Variants in TAF11 observed in about 807,000 individuals in gnomAD.
TAF11 encodes TATA-box binding protein associated factor 11.
A neutral mutation model predicts 23.0 loss-of-function variants in TAF11; 10 were observed. The ratio of observed to expected loss-of-function variants is 0.43; its 90% CI spans 0.27 to 0.74. The LOEUF (loss-of-function observed/expected upper bound fraction) is 0.74. Among genes scored for constraint, TAF11 ranks in the 30% least tolerant of loss-of-function variants. The pLI is 0.19. For missense variants in TAF11, 196 were observed against 261.7 expected (o/e 0.75, Z 1.73); for synonymous variants, 85 against 95.8 (o/e 0.89, Z 0.66).
rs769021125 is a variant in TAF11, at chr6:34,880,052, G to A, written c.420C>T (p.Ser140=). ...PKAAIKRLIQ[S]ITGTSVSQNV... ...TCTGAGACACAGAGGTGCCAGTGAT[G>A]GACTGGATCAGCTTGAAAGAAGCAC... Residue 140 remains serine, a synonymous_variant, in exon 4 of 5, where the codon TCC becomes TCT. Transcript: ENST00000361288. The surrounding 1 kb of genome is among the most constrained non-coding windows in gnomAD (Gnocchi z 4.8). 3 of 1,613,860 alleles carry A rather than the reference G, an allele frequency of 1.9e-6. No homozygotes were observed. In the African/African-American group the frequency reaches 4.0e-5, roughly 22 times the overall value.
rs759662478 is a variant in TAF11 at position 34,878,601 on chromosome 6, T to G, written c.625A>C (p.Ile209Leu). Residue 209 changes from isoleucine to leucine, a missense_variant, in exon 5 of 5, where the codon ATC becomes CTC. Transcript: ENST00000361288. ...QIPNSKHKKI[I>L]FF Reference sequence around the variant, plus strand: ...TTCTAGACTTTGGTCTAGAAGAAGATGATTTTTTTGTGCTTCGAGTTAGGG... The same window carrying G: ...TTCTAGACTTTGGTCTAGAAGAAGAGGATTTTTTTGTGCTTCGAGTTAGGG... 1 of 1,576,406 alleles carries G rather than the reference T, an allele frequency of 6.3e-7. No homozygotes were observed. Among genetic ancestry groups the G allele is most frequent in the South Asian group, 1.1e-5 (1 of 90,328 alleles).
At position 34,878,617 on chromosome 6, in the gene TAF11, C is replaced by T. The variant is rs149942247; in HGVS notation, c.609G>A (p.Ser203=). ...RLKSKGQIPN[S]KHKKIIFF is the part of the protein sequence containing the mutation. ...AGAAGAAGATGATTTTTTTGTGCTT[C>T]GAGTTAGGGATCTGTCCTTTTGACT... The change falls in exon 5 of 5, where the codon TCG becomes TCA. Residue 203 remains serine (S), a synonymous_variant. Transcript: ENST00000361288. 4.4e-6 allele frequency: 7 copies of T among 1,606,204 alleles called. No homozygotes were observed. In the African/African-American group the frequency reaches 5.4e-5, roughly 12 times the overall value.
Position 34,887,979 on chromosome 6 carries a change from G to A in TAF11, c.-22C>T. On this transcript the variant is annotated 5_prime_UTR_variant, in exon 1 of 5. Coordinates refer to ENST00000361288, the MANE Select transcript of TAF11 (RefSeq NM_005643.4). ...CCATCACGGATAGGATTGGAGGGGA[G>A]AGGAGATCGCGGAGATGCCTGAGGC... The A allele has an allele frequency of 2.5e-6, 4 of 1,613,172 alleles. No individual in the cohort carries two copies. Among genetic ancestry groups the A allele is most frequent in the Non-Finnish European group, 3.4e-6 (4 of 1,179,350 alleles).
Position 34,878,200 on chromosome 6 carries a change from C to T in TAF11, c.*390G>A. The T allele has an allele frequency of 5.9e-6, 1 of 168,846 alleles. No individual in the cohort carries two copies. Among genetic ancestry groups the T allele is most frequent in the Non-Finnish European group, 1.3e-5 (1 of 77,906 alleles). The allele number at this position is 168,846 out of a possible 1,614,324, so 10.5% of individuals were successfully genotyped here. On this transcript the variant is annotated 3_prime_UTR_variant, in exon 5 of 5. Transcript: ENST00000361288. ...CCAGGAGTTCAAGGCTGCAGTCATG[C>T]CGCTGCACTCCAGCCTAGGTGATAG... is the stretch of plus-strand genomic sequence containing the variant.
At position 34,878,265 on chromosome 6, in the gene TAF11, A is replaced by G; in HGVS notation, c.*325T>C. On this transcript the variant is annotated 3_prime_UTR_variant, in exon 5 of 5. Transcript: ENST00000361288. ...TCAAACAAAACGAAACCAAAACAAAACAAAACTCTCTTGGAAAGGTTTTCT... is the reference window on the plus strand; with the variant it reads ...TCAAACAAAACGAAACCAAAACAAAGCAAAACTCTCTTGGAAAGGTTTTCT... 4.1e-6 allele frequency: 1 copy of G among 244,692 alleles called. No homozygotes were observed. 15.2% of individuals were successfully genotyped at this position (244,692 alleles called of 1,614,324 possible).
chr6:34,881,620 G>GAT (rs1766425557), intron 2 of TAF11, among the ~76,000 whole-genome samples: 1 of 152,046 alleles, frequency 6.6e-6, no homozygotes, highest in Non-Finnish European at 1.5e-5. Flanking sequence ...AAAATTTATA[G>GAT]ATATATATGT....
intron 1 of TAF11, among the ~76,000 whole-genome samples, chr6:34,885,053 A>G (rs1236899742): frequency 1.3e-5 from 2 of 151,788 alleles, no homozygotes; most frequent in African/African-American, 2.4e-5. Flanking sequence ...GTCTACTTCT[A>G]TCCTTATTAA....
intron 2 of TAF11, among the ~76,000 whole-genome samples, chr6:34,882,709 T>C (rs1766462329): frequency 6.6e-6 from 1 of 152,124 alleles, no homozygotes; most frequent in Non-Finnish European, 1.5e-5. Context: ...TTTCACTATG[T>C]TGCCCAGGCT....
At chr6:34,878,805 A>T in intron 4 of TAF11, 85 bp from the exon 5 acceptor site, 10 of 1,221,042 alleles carry the variant, frequency 8.2e-6, no homozygotes, top group Non-Finnish European at 1.1e-5. Context: ...AATTCTTGTT[A>T]ACTTTTCTTA....
At position 34,887,922 on chromosome 6, in the gene TAF11, A is replaced by C. The variant is rs560282342; in HGVS notation, c.36T>G (p.Gly12=). Residue 12 remains glycine (G), a synonymous_variant, in exon 1 of 5, where the codon GGT becomes GGG. Transcript: ENST00000361288. ...DDAHESPSDK[G]GETGESDETA... is the part of the protein sequence containing the mutation. The stretch of plus-strand genomic sequence containing the variant: ...TCTCATCCGACTCCCCTGTCTCTCC[A>C]CCTTTGTCGGAGGGCGACTCGTGGG... The C allele has an allele frequency of 6.2e-7, 1 of 1,611,872 alleles. No individual in the cohort carries two copies. Among genetic ancestry groups the C allele is most frequent in the African/African-American group, 1.3e-5 (1 of 74,162 alleles).
At position 34,880,428 on chromosome 6, in the gene TAF11, A is replaced by G. The variant is rs1461856192; in HGVS notation, c.321-52T>C. On this transcript the variant is annotated intron_variant, in intron 2 of 4. Transcript: ENST00000361288. This position sits in a 1 kb window ranked among gnomAD's most constrained non-coding sequence, Gnocchi z 4.8. ...TAACTTATAAGAACGAATACTCAAG[A>G]TATTATGAAGTCAATAAAAGTTTCA... 4.5e-6 allele frequency: 7 copies of G among 1,545,448 alleles called. No individual in the cohort carries two copies. The highest frequency in any genetic ancestry group is 2.3e-5 in the South Asian group (2 of 88,586).
At position 34,887,924 on chromosome 6, in the gene TAF11, C is replaced by T. The variant is rs1301845165; in HGVS notation, c.34G>A (p.Gly12Ser). ...DDAHESPSDK[G>S]GETGESDETA... ...TCATCCGACTCCCCTGTCTCTCCAC[C>T]TTTGTCGGAGGGCGACTCGTGGGCA... is the stretch of plus-strand genomic sequence containing the variant. The change falls in exon 1 of 5, where the codon GGT becomes AGT. Residue 12 changes from glycine (G) to serine (S), a missense_variant. Coordinates refer to ENST00000361288, the MANE Select transcript of TAF11 (RefSeq NM_005643.4). 1.2e-6 allele frequency: 2 copies of T among 1,614,088 alleles called. No individual in the cohort carries two copies. Among genetic ancestry groups the T allele is most frequent in the African/African-American group, 1.3e-5 (1 of 74,934 alleles).
At position 34,878,469 on chromosome 6, in the gene TAF11, T is replaced by A. The variant is rs1315334689; in HGVS notation, c.*121A>T. 1 of 692,258 alleles carries A rather than the reference T, an allele frequency of 1.4e-6. No individual in the cohort carries two copies. The highest frequency in any genetic ancestry group is 1.8e-5 in the African/African-American group (1 of 56,304). The allele number at this position is 692,258 out of a possible 1,614,324, so 42.9% of individuals were successfully genotyped here. On this transcript the variant is annotated 3_prime_UTR_variant, in exon 5 of 5. Transcript: ENST00000361288. ...AAATATCAGAGTTTTGAGAAAGACATTAAAATCATCATGGAATCCTTGGAG... is the reference window on the plus strand; with the variant it reads ...AAATATCAGAGTTTTGAGAAAGACAATAAAATCATCATGGAATCCTTGGAG...
At chr6:34,887,247 G>A (rs751235889) in intron 1 of TAF11, among the ~76,000 whole-genome samples, 14 of 152,158 alleles carry the variant, frequency 9.2e-5, no homozygotes, top group Admixed American at 3.3e-4. Flanking sequence ...GGTTGCAGTG[G>A]GCCAGAGATC....
intron 4 of TAF11, among the ~76,000 whole-genome samples, chr6:34,878,934 G>A (rs1766366371): frequency 6.6e-6 from 1 of 152,212 alleles, no homozygotes; most frequent in Non-Finnish European, 1.5e-5. Context: ...GCCATATGCT[G>A]TGGCTCATGC....
At chr6:34,882,863 G>T in intron 2 of TAF11, 69 bp downstream of exon 2, 1 of 1,494,300 alleles carries the variant, frequency 6.7e-7, no homozygotes, top group South Asian at 1.4e-5. Flanking sequence ...TAAACACCAA[G>T]AAAAATTTAT....
In TAF11 at chr6:34,878,568, A is replaced by T; in HGVS notation, c.*22T>A. On this transcript the variant is annotated 3_prime_UTR_variant, in exon 5 of 5. Transcript: ENST00000361288. ...AACCAATACTTCTTCCGTCAGTAAC[A>T]TAGGCCTTTCTAGACTTTGGTCTAG... The T allele has an allele frequency of 7.7e-7, 1 of 1,305,944 alleles. No individual in the cohort carries two copies. The highest frequency in any genetic ancestry group is 1.1e-6 in the Non-Finnish European group (1 of 899,326). The allele number at this position is 1,305,944 out of a possible 1,614,324, so 80.9% of individuals were successfully genotyped here.
rs1766327935 is a variant in TAF11 at position 34,877,571 on chromosome 6, AT to A, written c.*1018del. The A allele has an allele frequency of 6.6e-6, 1 of 151,332 alleles. No individual in the cohort carries two copies. Among genetic ancestry groups the A allele is most frequent in the Admixed American group, 6.6e-5 (1 of 15,160 alleles). 9.4% of individuals were successfully genotyped at this position (151,332 alleles called of 1,614,324 possible). A position where few individuals can be genotyped will look rare whatever the true frequency, so the allele number is the denominator to read the frequency against. On this transcript the variant is annotated 3_prime_UTR_variant, in exon 5 of 5. Transcript: ENST00000361288. Reference sequence around the variant, plus strand: ...AAATATATGGGCTTTTATATTGTTTATTTTCATCTCAGTCTTGGGGGGGGAA... The same window carrying A: ...AAATATATGGGCTTTTATATTGTTTATTTCATCTCAGTCTTGGGGGGGGAA...
In TAF11 at chr6:34,877,701, C is replaced by T. The variant is rs1430013840; in HGVS notation, c.*889G>A. Reference sequence around the variant, plus strand: ...CAAATTTTCACAAAATAGCCAAAACCAGTTGTATTGGAACACCAAAAAAGA... The same window carrying T: ...CAAATTTTCACAAAATAGCCAAAACTAGTTGTATTGGAACACCAAAAAAGA... On this transcript the variant is annotated 3_prime_UTR_variant, in exon 5 of 5. Coordinates refer to ENST00000361288, the MANE Select transcript of TAF11 (RefSeq NM_005643.4). 1 of 152,292 alleles carries T rather than the reference C, an allele frequency of 6.6e-6. No individual in the cohort carries two copies. Among genetic ancestry groups the T allele is most frequent in the Non-Finnish European group, 1.5e-5 (1 of 68,010 alleles). 9.4% of individuals were successfully genotyped at this position (152,292 alleles called of 1,614,324 possible). A position where few individuals can be genotyped will look rare whatever the true frequency, so the allele number is the denominator to read the frequency against.
Sources: allele counts gnomAD v4.1 joint callset (sites outside exome capture counted in the v4.1 genomes callset), GRCh38; gene constraint gnomAD v4.1.1; non-coding constraint Gnocchi (gnomAD v3.1); transcripts MANE v1.5; gene names NCBI Gene and HGNC (gene_info 2026-07-23, HGNC 2026-07-21).